The following MRRF variants were observed in gnomAD, a reference collection of about 807,000 sequenced individuals.
MRRF encodes the protein ribosome-recycling factor, mitochondrial.
Under a neutral mutation model 25.1 loss-of-function variants are expected in MRRF, and 18 were observed. The observed-to-expected ratio is 0.72, with a 90% CI of 0.50 to 1.06. The LOEUF (loss-of-function observed/expected upper bound fraction) is 1.06. Among genes scored for constraint, MRRF ranks in the 50% least tolerant of loss-of-function variants. The pLI is 0.00. For missense variants in MRRF, 323 were observed against 319.3 expected (o/e 1.01, Z -0.09); for synonymous variants, 113 against 112.1 (o/e 1.01, Z -0.05).
At chr9:122,285,660 TG>T in intron 4 of MRRF, 1 of 786,266 alleles carries the variant, frequency 1.3e-6, no homozygotes, top group Non-Finnish European at 1.8e-6. Context: ...AATGTAGGCC[TG>T]GTAATCAGTG....
chr9:122,294,393 G>A (rs1470996328), intron 5 of MRRF, among the ~76,000 whole-genome samples: 3 of 152,132 alleles, frequency 2.0e-5, no homozygotes, highest in Non-Finnish European at 2.9e-5. Flanking sequence ...AGTTTAACTC[G>A]AATTTCCAAA....
intron 4 of MRRF, among the ~76,000 whole-genome samples, chr9:122,288,297 G>A (rs944720604): frequency 7.9e-5 from 12 of 152,154 alleles, no homozygotes; most frequent in East Asian, 1.9e-4. Context: ...TTGCTCTTGC[G>A]GAAGGAAGAA....
At chr9:122,307,406 C>G (rs1564505982) in intron 5 of MRRF, among the ~76,000 whole-genome samples, 1 of 152,246 alleles carries the variant, frequency 6.6e-6, no homozygotes, top group Non-Finnish European at 1.5e-5. Flanking sequence ...CTGCTCTCCT[C>G]TGTTCCCATT....
At chr9:122,289,762 A>C (rs1833639051) in intron 4 of MRRF, among the ~76,000 whole-genome samples, 1 of 152,100 alleles carries the variant, frequency 6.6e-6, no homozygotes, top group Admixed American at 6.6e-5. Context: ...GTGGTGGCTC[A>C]TGCTTATAAA....
rs910886645 is a variant in MRRF at position 122,330,367 on chromosome 9, C to G, written c.*7750C>G. The G allele has an allele frequency of 6.6e-6, 1 of 152,360 alleles. No homozygotes were observed. The highest frequency in any genetic ancestry group is 2.1e-4 in the South Asian group (1 of 4,834). The allele number at this position is 152,360 out of a possible 1,614,324, so 9.4% of individuals were successfully genotyped here. A position where few individuals can be genotyped will look rare whatever the true frequency, so the allele number is the denominator to read the frequency against. ...AAATCTCCAAAGACAGCAGCTCCTC[C>G]GCGAGCTAGCTGCCCCTGACCGAGG... On this transcript the variant is annotated 3_prime_UTR_variant, in exon 7 of 7. Coordinates refer to ENST00000344641, the MANE Select transcript of MRRF (RefSeq NM_138777.5). The surrounding 1 kb of genome is among the most constrained non-coding windows in gnomAD (Gnocchi z 4.2).
In MRRF at chr9:122,286,892, CT is replaced by C. The variant is rs1320277380; in HGVS notation, c.459+1606del. Among the ~76,000 whole-genome samples the C allele has an allele frequency of 2.6e-5, 4 of 152,146 alleles. No individual in the cohort carries two copies. In the East Asian group the frequency reaches 7.7e-4, roughly 29 times the overall value. ...TAGATGGCTTTGCTTGATCTTGCCTCTGTTTTTTCAGTTTTGCCAGTCTTGT... is the reference window on the plus strand; with the variant it reads ...TAGATGGCTTTGCTTGATCTTGCCTCGTTTTTTCAGTTTTGCCAGTCTTGT... On this transcript the variant is annotated intron_variant, in intron 4 of 6. Transcript: ENST00000344641.
At chr9:122,322,019 GATA>G (rs1220548406) in intron 6 of MRRF, among the ~76,000 whole-genome samples, 1 of 152,098 alleles carries the variant, frequency 6.6e-6, no homozygotes, top group Non-Finnish European at 1.5e-5. Context: ...GCAAAATGGG[GATA>G]ATAATAGTAT....
chr9:122,274,534 G>GTGTA (rs1832659952), intron 2 of MRRF, among the ~76,000 whole-genome samples: 1 of 986 alleles, frequency 1.0e-3, no homozygotes, highest in Non-Finnish European at 2.1e-3. Flanking sequence ...TATGAATCTG[G>GTGTA]TGTGTGTGTG....
At chr9:122,301,961 C>T (rs913600058) in intron 5 of MRRF, among the ~76,000 whole-genome samples, 1 of 150,552 alleles carries the variant, frequency 6.6e-6, no homozygotes, top group Non-Finnish European at 1.5e-5. Context: ...CTAGGCTGCT[C>T]TTGAACTCCT....
intron 5 of MRRF, among the ~76,000 whole-genome samples, chr9:122,308,210 A>G (rs1293929401): frequency 1.3e-5 from 2 of 152,050 alleles, no homozygotes; most frequent in Non-Finnish European, 2.9e-5. Flanking sequence ...CAGCCAAGAA[A>G]CTGCAACAGG....
chr9:122,271,033 T>A lies in MRRF; in HGVS notation c.142T>A (p.Ser48Thr). Residue 48 changes from serine (S) to threonine (T), a missense_variant, in exon 2 of 7, where the codon TCA (serine) becomes ACA (threonine). Coordinates refer to ENST00000344641, the MANE Select transcript of MRRF (RefSeq NM_138777.5). Reference sequence around the variant, plus strand: ...TGGCCATAGGCAATACATGGCCTATTCAGCTGTACCAGTCCGCCATTTTGC... The same window carrying A: ...TGGCCATAGGCAATACATGGCCTATACAGCTGTACCAGTCCGCCATTTTGC... ...QHGHRQYMAY[S>T]AVPVRHFATK... is the part of the protein sequence containing the mutation. 4 of 1,614,216 alleles carry A rather than the reference T, an allele frequency of 2.5e-6. No individual in the cohort carries two copies. Among genetic ancestry groups the A allele is most frequent in the Non-Finnish European group, 3.4e-6 (4 of 1,180,022 alleles).
At chr9:122,301,414 C>T (rs952610757) in intron 5 of MRRF, among the ~76,000 whole-genome samples, 13 of 152,166 alleles carry the variant, frequency 8.5e-5, no homozygotes, top group Admixed American at 3.3e-4. Context: ...GTCAGAAAAA[C>T]TCTAAAAAGA....
chr9:122,294,509 A>AT (rs1833966001), intron 5 of MRRF, among the ~76,000 whole-genome samples: 1 of 152,136 alleles, frequency 6.6e-6, no homozygotes, highest in South Asian at 2.1e-4. Flanking sequence ...TGCAAACCTC[A>AT]TTTTTTTATA....
At position 122,280,524 on chromosome 9, in the gene MRRF, A is replaced by G; in HGVS notation, c.266A>G (p.Asn89Ser). 6.2e-7 allele frequency: 1 copy of G among 1,613,876 alleles called. No individual in the cohort carries two copies. Among genetic ancestry groups the G allele is most frequent in the South Asian group, 1.1e-5 (1 of 91,072 alleles). ...VEDIINLEEV[N>S]EEMKSVIEAL... ...GATATAATCAACTTGGAAGAGGTGA[A>G]TGAAGAAATGAAGTCTGTGATAGAA... The change falls in exon 3 of 7, where the codon AAT becomes AGT. Residue 89 changes from asparagine to serine, a missense_variant. By Grantham distance (46) the Asn-to-Ser change is conservative. Coordinates refer to ENST00000344641, the MANE Select transcript of MRRF (RefSeq NM_138777.5).
At chr9:122,302,493 TA>T (rs1160917203) in intron 5 of MRRF, among the ~76,000 whole-genome samples, 13 of 152,268 alleles carry the variant, frequency 8.5e-5, no homozygotes, top group Non-Finnish European at 1.9e-4. Context: ...TCTATTTGCA[TA>T]ATGTTTTCAA....
At position 122,279,446 on chromosome 9, in the gene MRRF, T is replaced by C. The variant is rs137870173; in HGVS notation, c.185-997T>C. ...AAGTTATAATATGCCACCCAAATAG[T>C]ACAGGATTGAGTTCACTGTAGATGT... On this transcript the variant is annotated intron_variant, in intron 2 of 6. Transcript: ENST00000344641. Among the ~76,000 whole-genome samples the C allele has an allele frequency of 2.4e-4, 37 of 152,342 alleles. No individual in the cohort carries two copies. The East Asian group carries it at 6.7e-3, about 28-fold the overall frequency.
intron 5 of MRRF, among the ~76,000 whole-genome samples, chr9:122,299,825 C>T (rs10985589): frequency 0.11 from 16,431 of 151,846 alleles, 1,042 homozygotes; most frequent in East Asian, 0.24. Flanking sequence ...GATTATTGGA[C>T]TTAGCAACAT....
At chr9:122,288,999 TAAGAGATGGAAAGTCTATA>T (rs1833583904) in intron 4 of MRRF, among the ~76,000 whole-genome samples, 1 of 152,182 alleles carries the variant, frequency 6.6e-6, no homozygotes, top group African/African-American at 2.4e-5. Flanking sequence ...GGATGATGCA[TAAGAGATGGAAAGTCTATA>T]GGAATGTATG....
Position 122,310,461 on chromosome 9 carries a change from T to G in MRRF, c.552-2766T>G, listed in dbSNP as rs1202170448. Reference sequence around the variant, plus strand: ...CCCTCCACTACATCTCCCACTGTGCTTCCCAAAATGCACTTTGCATTCTTC... The same window carrying G: ...CCCTCCACTACATCTCCCACTGTGCGTCCCAAAATGCACTTTGCATTCTTC... On this transcript the variant is annotated intron_variant, in intron 5 of 6. Transcript: ENST00000344641. Among the ~76,000 whole-genome samples, 4 of 152,366 alleles carry G rather than the reference T, an allele frequency of 2.6e-5. No homozygotes were observed. In the East Asian group the frequency reaches 7.7e-4, roughly 29 times the overall value.
Sources: allele counts gnomAD v4.1 joint callset (sites outside exome capture counted in the v4.1 genomes callset), GRCh38; gene constraint gnomAD v4.1.1; non-coding constraint Gnocchi (gnomAD v3.1); transcripts MANE v1.5; gene names NCBI Gene and HGNC (gene_info 2026-07-23, HGNC 2026-07-21).